Variants in PRKCE observed in about 807,000 individuals in gnomAD.
PRKCE encodes the protein protein kinase C epsilon, also known as protein kinase C epsilon type.
Under a neutral mutation model 85.4 loss-of-function variants are expected in PRKCE, and 16 were observed. That is an observed-to-expected ratio of 0.19 (90% confidence interval 0.13 to 0.28). The LOEUF is 0.28. Among genes scored for constraint, PRKCE ranks in the 10% least tolerant of loss-of-function variants. The pLI is 1.00. For synonymous variants in PRKCE, 388 were observed against 371.5 expected (o/e 1.04, Z -0.51); for missense variants, 573 against 975.2 (o/e 0.59, Z 5.49).
intron 1 of PRKCE, among the ~76,000 whole-genome samples, chr2:45,820,491 T>A (rs1234072048): frequency 6.6e-6 from 1 of 151,896 alleles, no homozygotes; most frequent in Non-Finnish European, 1.5e-5. Context: ...AGGAGGGCAA[T>A]ATGGCTGAGG....
chr2:45,923,487 T>C (rs1384263676), intron 2 of PRKCE, among the ~76,000 whole-genome samples: 1 of 152,152 alleles, frequency 6.6e-6, no homozygotes, highest in African/African-American at 2.4e-5. Flanking sequence ...TGGCCTGAAA[T>C]TGCCATTTGG....
intron 10 of PRKCE, among the ~76,000 whole-genome samples, chr2:46,052,351 C>T (rs1708909383): frequency 6.6e-6 from 1 of 152,134 alleles, no homozygotes; most frequent in Non-Finnish European, 1.5e-5. Context: ...TTTATACTAG[C>T]AATGAAGAAT....
At chr2:45,999,663 A>G (rs898487672) in intron 6 of PRKCE, among the ~76,000 whole-genome samples, 1 of 151,086 alleles carries the variant, frequency 6.6e-6, no homozygotes, top group African/African-American at 2.4e-5. Context: ...ATTTTGGGAA[A>G]TTCTCTGTCC....
Position 46,093,524 on chromosome 2 carries a change from A to G in PRKCE, c.1592+7162A>G, listed in dbSNP as rs1298433299. 2.5e-5 allele frequency among the ~76,000 whole-genome samples: 3 copies of G among 118,830 alleles called. No homozygotes were observed. In the East Asian group the frequency reaches 6.4e-4, roughly 25 times the overall value. The allele number at this position is 118,830 out of a possible 152,430, so 78.0% of individuals were successfully genotyped here. A position where few individuals can be genotyped will look rare whatever the true frequency, so the allele number is the denominator to read the frequency against. Reference sequence around the variant, plus strand: ...TTTAGAAATAACATTATCTTATTGTACTTTTCTTTTTTTTTTTTTTTTGAG... The same window carrying G: ...TTTAGAAATAACATTATCTTATTGTGCTTTTCTTTTTTTTTTTTTTTTGAG... On this transcript the variant is annotated intron_variant, in intron 11 of 14. Transcript: ENST00000306156.
chr2:45,752,038 C>T (rs1244796486), intron 1 of PRKCE, among the ~76,000 whole-genome samples: 2 of 150,294 alleles, frequency 1.3e-5, no homozygotes, highest in East Asian at 3.9e-4. Context: ...GGGATGGTCT[C>T]GATCTGCTGA....
chr2:46,100,253 T>C (rs1215571768), intron 11 of PRKCE, among the ~76,000 whole-genome samples: 1 of 152,190 alleles, frequency 6.6e-6, no homozygotes. Flanking sequence ...ATTCCTGTCA[T>C]TCCTCGGAAG....
intron 10 of PRKCE, among the ~76,000 whole-genome samples, chr2:46,050,899 T>G (rs1708815597): frequency 1.3e-5 from 2 of 152,186 alleles, no homozygotes; most frequent in Non-Finnish European, 2.9e-5. Flanking sequence ...CAGAAACATC[T>G]CTGAAGCCAT....
In PRKCE at chr2:45,721,085, C is replaced by T. The variant is rs186612902; in HGVS notation, c.348+68637C>T. 1.6e-4 allele frequency among the ~76,000 whole-genome samples: 24 copies of T among 152,058 alleles called. No individual in the cohort carries two copies. In the East Asian group the frequency reaches 1.9e-3, roughly 12 times the overall value. On this transcript the variant is annotated intron_variant, in intron 1 of 14. Transcript: ENST00000306156. The stretch of plus-strand genomic sequence containing the variant: ...TTGTGCCACTGTACTCCAGCCTGGG[C>T]GACACAGCGAGACTCCATCTCAAAA...
rs73928811 is a variant in PRKCE at position 45,816,033 on chromosome 2, G to A, written c.349-26967G>A. Among the ~76,000 whole-genome samples, 1,322 of 152,288 alleles carry A rather than the reference G, an allele frequency of 8.7e-3. 13 individuals carry two copies. The highest frequency in any genetic ancestry group is 0.03 in the African/African-American group (1,265 of 41,554). Reference sequence around the variant, plus strand: ...GCAAGACACATCCCAAGTACATTTGGGGCTCTCATTTAACCATTTTCTCTT... The same window carrying A: ...GCAAGACACATCCCAAGTACATTTGAGGCTCTCATTTAACCATTTTCTCTT... On this transcript the variant is annotated intron_variant, in intron 1 of 14. Coordinates refer to ENST00000306156, the MANE Select transcript of PRKCE (RefSeq NM_005400.3).
chr2:45,692,014 A>G (rs1426053458), intron 1 of PRKCE, among the ~76,000 whole-genome samples: 1 of 152,208 alleles, frequency 6.6e-6, no homozygotes, highest in African/African-American at 2.4e-5. Context: ...AATAACAGTC[A>G]AGCTTCAGAG....
intron 1 of PRKCE, among the ~76,000 whole-genome samples, chr2:45,743,994 G>GTGT (rs771022827): frequency 1.7e-4 from 23 of 131,942 alleles, no homozygotes; most frequent in African/African-American, 7.8e-4. Flanking sequence ...GCCGTTGTGT[G>GTGT]TTTTTTTTTT....
At chr2:46,026,856 T>C (rs1400572094) in intron 10 of PRKCE, among the ~76,000 whole-genome samples, 4 of 152,120 alleles carry the variant, frequency 2.6e-5, no homozygotes, top group Non-Finnish European at 5.9e-5. Flanking sequence ...GACTAAACAA[T>C]ATTCTTAGGA....
chr2:46,019,847 C>CTT (rs869079304), intron 10 of PRKCE, among the ~76,000 whole-genome samples: 8,833 of 105,916 alleles, frequency 0.083, 878 homozygotes, highest in African/African-American at 0.24. Flanking sequence ...TTGGTTTTCT[C>CTT]TTTTTTTTTT....
intron 1 of PRKCE, among the ~76,000 whole-genome samples, chr2:45,753,394 G>A (rs1378537741): frequency 2.0e-5 from 3 of 152,162 alleles, no homozygotes; most frequent in South Asian, 2.1e-4. Context: ...ATCTTTTTAA[G>A]TACTAGACTG....
intron 10 of PRKCE, among the ~76,000 whole-genome samples, chr2:46,019,703 C>A (rs1461412006): frequency 6.6e-6 from 1 of 152,050 alleles, no homozygotes; most frequent in East Asian, 1.9e-4. Context: ...CTTGAAGTTG[C>A]AGTTTCTAAG....
chr2:45,839,699 C>G (rs1428386612), intron 1 of PRKCE, among the ~76,000 whole-genome samples: 1 of 152,180 alleles, frequency 6.6e-6, no homozygotes, highest in Non-Finnish European at 1.5e-5. Context: ...TAAACTAATT[C>G]AGCGGTGAAG....
intron 6 of PRKCE, among the ~76,000 whole-genome samples, chr2:45,986,227 G>C (rs1703312103): frequency 6.6e-6 from 1 of 152,268 alleles, no homozygotes; most frequent in African/African-American, 2.4e-5. Flanking sequence ...TTAACAACAA[G>C]GAGGTCACTA....
At chr2:46,135,103 G>T (rs543274003) in intron 11 of PRKCE, among the ~76,000 whole-genome samples, 3 of 152,286 alleles carry the variant, frequency 2.0e-5, no homozygotes, top group Admixed American at 6.5e-5. Context: ...TTCAAACCGA[G>T]ATGTTGTTTG....
At chr2:46,067,838 A>G (rs1180799622) in intron 10 of PRKCE, among the ~76,000 whole-genome samples, 2 of 152,350 alleles carry the variant, frequency 1.3e-5, no homozygotes, top group East Asian at 3.9e-4. Flanking sequence ...CAGACCAAGA[A>G]TATAACGCAA....
Sources: allele counts gnomAD v4.1 joint callset (sites outside exome capture counted in the v4.1 genomes callset), GRCh38; gene constraint gnomAD v4.1.1; transcripts MANE v1.5; gene names NCBI Gene and HGNC (gene_info 2026-07-23, HGNC 2026-07-21).